SLC39A11: variants seen among roughly 807,000 people sequenced by gnomAD.
SLC39A11 encodes solute carrier family 39 member 11, also known as zinc transporter ZIP11.
In SLC39A11, 33 loss-of-function variants were observed where a neutral mutation model predicts 36.1. That is an observed-to-expected ratio of 0.91 (90% CI 0.69 to 1.22). The LOEUF (loss-of-function observed/expected upper bound fraction) is 1.22. Among genes scored for constraint, SLC39A11 ranks in the 50% most tolerant of loss-of-function variants. The pLI is 0.00. For missense variants in SLC39A11, 432 were observed against 430.3 expected (o/e 1.00, Z -0.03); for synonymous variants, 166 against 170.3 (o/e 0.97, Z 0.20).
intron 3 of SLC39A11, among the ~76,000 whole-genome samples, chr17:73,053,446 C>T (rs1233802374): frequency 6.6e-6 from 1 of 152,072 alleles, no homozygotes; most frequent in Non-Finnish European, 1.5e-5. Flanking sequence ...TGTCTCCCAC[C>T]CATTTTATAT....
At chr17:72,850,873 C>G (rs2146021242) in intron 5 of SLC39A11, among the ~76,000 whole-genome samples, 1 of 152,230 alleles carries the variant, frequency 6.6e-6, no homozygotes, top group Non-Finnish European at 1.5e-5. Flanking sequence ...TGTGACCCTG[C>G]TCTCCTGGTC....
At chr17:72,979,330 C>T (rs898779059) in intron 4 of SLC39A11, among the ~76,000 whole-genome samples, 1 of 148,062 alleles carries the variant, frequency 6.8e-6, no homozygotes, top group African/African-American at 2.5e-5. Flanking sequence ...CAGTCTTGGG[C>T]AGTTCTTTAT....
rs1203080911 is a variant in SLC39A11 at position 72,941,994 on chromosome 17, C to T, written c.430+5758G>A. On this transcript the variant is annotated intron_variant, in intron 5 of 9. Coordinates refer to ENST00000255559, the MANE Select transcript of SLC39A11 (RefSeq NM_139177.4). ...CTCCTGGGTTCAAGTGATTCTCCTG[C>T]CTCAGCCTCCCAAGTAGCTATGATT... Among the ~76,000 whole-genome samples, 6 of 152,004 alleles carry T rather than the reference C, an allele frequency of 3.9e-5. No individual in the cohort carries two copies. In the East Asian group the frequency reaches 9.6e-4, roughly 24 times the overall value.
chr17:72,868,707 G>A (rs1180758977), intron 5 of SLC39A11, among the ~76,000 whole-genome samples: 3 of 151,548 alleles, frequency 2.0e-5, no homozygotes, highest in Non-Finnish European at 4.4e-5. Context: ...TACTTGGGAG[G>A]CTGAGGTGGG....
chr17:72,914,200 C>T (rs1174149523), intron 5 of SLC39A11, among the ~76,000 whole-genome samples: 3 of 151,632 alleles, frequency 2.0e-5, no homozygotes, highest in African/African-American at 7.3e-5. Context: ...CCTGTAGTCC[C>T]AGCTACTCGG....
chr17:72,740,075 T>TTTTTTG (rs2074614681), intron 6 of SLC39A11, among the ~76,000 whole-genome samples: 1 of 124,510 alleles, frequency 8.0e-6, no homozygotes, highest in African/African-American at 3.1e-5. Flanking sequence ...TTTTTTTTTT[T>TTTTTTG]TTTTTGAGAT....
chr17:72,784,286 C>T (rs1255556492), intron 6 of SLC39A11, among the ~76,000 whole-genome samples: 8 of 151,922 alleles, frequency 5.3e-5, no homozygotes, highest in African/African-American at 1.7e-4. Context: ...CATAGGTTGC[C>T]GTGAGCAGAG....
chr17:72,742,144 A>G (rs2074735669), intron 6 of SLC39A11, among the ~76,000 whole-genome samples: 2 of 152,052 alleles, frequency 1.3e-5, no homozygotes, highest in Admixed American at 1.3e-4. Flanking sequence ...CAGAGGTTGC[A>G]GTGAGCCAAG....
intron 7 of SLC39A11, among the ~76,000 whole-genome samples, chr17:72,729,418 TATATATATATATATATATATATATATA>T (rs1567994248): frequency 0.051 from 155 of 3,048 alleles, 8 homozygotes; most frequent in African/African-American, 0.075. Flanking sequence ...TATATATATA[TATATATATATATATATATATATATATA>T]TATATATATA....
intron 7 of SLC39A11, among the ~76,000 whole-genome samples, chr17:72,661,721 C>T (rs1158201255): frequency 6.6e-6 from 1 of 152,180 alleles, no homozygotes; most frequent in African/African-American, 2.4e-5. Context: ...GCTGGCTTAG[C>T]ACGCAAGGGA....
At chr17:72,701,539 C>A (rs1003710172) in intron 7 of SLC39A11, among the ~76,000 whole-genome samples, 1 of 151,606 alleles carries the variant, frequency 6.6e-6, no homozygotes, top group African/African-American at 2.4e-5. Context: ...ACCAGCCTGG[C>A]CAACATGGTG....
intron 7 of SLC39A11, among the ~76,000 whole-genome samples, chr17:72,655,936 G>A (rs1327989445): frequency 6.6e-6 from 1 of 152,158 alleles, no homozygotes; most frequent in African/African-American, 2.4e-5. Flanking sequence ...AACAAGGGCA[G>A]CCTCCCGGGG....
chr17:73,061,604 G>A (rs534171605), intron 3 of SLC39A11, among the ~76,000 whole-genome samples: 2 of 152,148 alleles, frequency 1.3e-5, no homozygotes, highest in African/African-American at 2.4e-5. Context: ...AATAAAACTT[G>A]TACTTGAAAG....
At chr17:72,996,703 T>C (rs1568091682) in intron 4 of SLC39A11, among the ~76,000 whole-genome samples, 2 of 152,214 alleles carry the variant, frequency 1.3e-5, no homozygotes, top group East Asian at 1.9e-4. Context: ...TCATCTTAAC[T>C]AATTACATCT....
chr17:72,704,711 T>TC (rs2072813800), intron 7 of SLC39A11, among the ~76,000 whole-genome samples: 1 of 101,250 alleles, frequency 9.9e-6, no homozygotes, highest in Non-Finnish European at 2.6e-5. Context: ...ACCTGGCAGT[T>TC]CCCTGGGGGG....
chr17:72,885,803 C>T (rs927712588), intron 5 of SLC39A11, among the ~76,000 whole-genome samples: 1 of 152,192 alleles, frequency 6.6e-6, no homozygotes, highest in African/African-American at 2.4e-5. Flanking sequence ...AATACCTACA[C>T]ATATGCCTAC....
chr17:72,867,392 C>T (rs1471121924), intron 5 of SLC39A11, among the ~76,000 whole-genome samples: 3 of 151,980 alleles, frequency 2.0e-5, no homozygotes, highest in African/African-American at 7.2e-5. Context: ...CCCAGCTACT[C>T]GGGAGGCTGA....
intron 9 of SLC39A11, among the ~76,000 whole-genome samples, chr17:72,648,170 A>G (rs1363045471): frequency 6.6e-6 from 1 of 151,836 alleles, no homozygotes; most frequent in African/African-American, 2.4e-5. Flanking sequence ...TCTCTACTAT[A>G]AATACAAAAA....
intron 3 of SLC39A11, among the ~76,000 whole-genome samples, chr17:73,033,581 AAAT>A (rs1210787015): frequency 6.6e-6 from 1 of 152,112 alleles, no homozygotes; most frequent in African/African-American, 2.4e-5. Context: ...TGCCTCTTAA[AAAT>A]AAGAAGCTCT....
Sources: gnomAD v4.1 joint callset for allele counts (sites outside exome capture counted in the v4.1 genomes callset) on GRCh38, gnomAD v4.1.1 for gene constraint, MANE v1.5 for transcripts, NCBI Gene and HGNC (gene_info 2026-07-23, HGNC 2026-07-21) for gene names.